The following STOX2 variants were observed in gnomAD, a reference collection of about 807,000 sequenced individuals.
The protein encoded by STOX2 is storkhead box 2, also known as storkhead-box protein 2.
A neutral mutation model predicts 60.9 loss-of-function variants in STOX2; 28 were observed. The observed-to-expected ratio is 0.46, with a 90% CI of 0.34 to 0.63. The LOEUF (loss-of-function observed/expected upper bound fraction) is 0.63, where lower values mean the gene tolerates loss of function less well. Among genes scored for constraint, STOX2 ranks in the 30% least tolerant of loss-of-function variants. STOX2 has a pLI of 0.01. For missense variants in STOX2, 1,024 were observed against 1,187.7 expected, an observed-to-expected ratio of 0.86 and a Z score of 2.03; for synonymous variants, 472 against 463.9, an observed-to-expected ratio of 1.02 and a Z score of -0.22.
Position 184,022,121 on chromosome 4 carries a change from T to A in STOX2, c.*4837T>A, listed in dbSNP as rs3749531. The A allele has an allele frequency of 8.1e-4, 123 of 152,122 alleles. 1 individual carries two copies. Among genetic ancestry groups the A allele is most frequent in the African/African-American group, 2.7e-3 (111 of 41,462 alleles). 9.4% of individuals were successfully genotyped at this position (152,122 alleles called of 1,614,324 possible). ...GGCAGGACAAAGATTACTATTGGTC[T>A]GAGCTTTGCCAAGTGAGATAGAATC... On this transcript the variant is annotated 3_prime_UTR_variant, in exon 4 of 4. Coordinates refer to ENST00000308497, the MANE Select transcript of STOX2 (RefSeq NM_020225.3).
chr4:183,920,317 A>G (rs1253032566), intron 1 of STOX2, among the ~76,000 whole-genome samples: 1 of 152,066 alleles, frequency 6.6e-6, no homozygotes, highest in Non-Finnish European at 1.5e-5. Context: ...CATATTGGCC[A>G]GGCTGATCTT....
At chr4:183,948,218 C>CAAAAAAAA (rs760286920) in intron 1 of STOX2, among the ~76,000 whole-genome samples, 19 of 29,868 alleles carry the variant, frequency 6.4e-4, no homozygotes, top group African/African-American at 9.2e-4. Flanking sequence ...AACTCCATCT[C>CAAAAAAAA]AAAAAAAAAA....
chr4:183,856,791 T>TA lies in STOX2; in HGVS notation c.364+58737dup, dbSNP rs1307574049. Among the ~76,000 whole-genome samples, 3 of 152,234 alleles carry TA rather than the reference T, an allele frequency of 2.0e-5. No homozygotes were observed. The highest frequency in any genetic ancestry group is 4.4e-5 in the Non-Finnish European group (3 of 68,048). Reference sequence around the variant, plus strand: ...TTTTCAGTAGTGTCTGTTTAATAGTTACTGCATATATATTAATGTGTGTAG... The same window carrying TA: ...TTTTCAGTAGTGTCTGTTTAATAGTTAACTGCATATATATTAATGTGTGTAG... On this transcript the variant is annotated intron_variant, in intron 1 of 2. Transcript: ENST00000513034. The surrounding 1 kb of genome is among the most constrained non-coding windows in gnomAD (Gnocchi z 4.0).
intron 1 of STOX2, among the ~76,000 whole-genome samples, chr4:183,896,234 A>C: frequency 6.6e-6 from 1 of 152,218 alleles, no homozygotes; most frequent in East Asian, 1.9e-4. Context: ...AACAGCTGAT[A>C]CCAGGACCAG....
chr4:183,861,253 C>A (rs189604116), intron 1 of STOX2, among the ~76,000 whole-genome samples: 1 of 152,104 alleles, frequency 6.6e-6, no homozygotes, highest in African/African-American at 2.4e-5. Context: ...GGAGCTGCCC[C>A]CCACCACTGA....
intron 1 of STOX2, among the ~76,000 whole-genome samples, chr4:183,964,550 C>G (rs1245655775): frequency 1.3e-5 from 2 of 152,168 alleles, no homozygotes; most frequent in Non-Finnish European, 2.9e-5. Context: ...CAGACCAGAG[C>G]TAAGTATAAA....
intron 1 of STOX2, among the ~76,000 whole-genome samples, chr4:183,992,170 T>G (rs1372391314): frequency 1.3e-5 from 2 of 152,206 alleles, no homozygotes; most frequent in East Asian, 1.9e-4. Context: ...GGGGGGTTGG[T>G]TGGTAGCAGT....
chr4:183,827,267 G>A (rs1407915684), intron 1 of STOX2, among the ~76,000 whole-genome samples: 1 of 152,212 alleles, frequency 6.6e-6, no homozygotes, highest in Non-Finnish European at 1.5e-5. Flanking sequence ...GGAGGCCAAG[G>A]AGGGAGCATC....
chr4:183,851,280 G>GGAAAGGATGAGA (rs1740126390), intron 1 of STOX2, among the ~76,000 whole-genome samples: 1 of 62,166 alleles, frequency 1.6e-5, no homozygotes, highest in Non-Finnish European at 3.5e-5. Flanking sequence ...AAACGATGAG[G>GGAAAGGATGAGA]GAAAGGATGA....
chr4:183,836,148 G>A lies in STOX2; in HGVS notation c.364+38093G>A, dbSNP rs1363654686. On this transcript the variant is annotated intron_variant, in intron 1 of 2. Coordinates refer to the STOX2 transcript ENST00000513034. The surrounding 1 kb of genome is among the most constrained non-coding windows in gnomAD (Gnocchi z 4.1). The stretch of plus-strand genomic sequence containing the variant: ...TGAACGTCTTTTCATGTGCTTTTTG[G>A]CTGTTTATCATAGCCTTTGGAGAAA... 6.6e-6 allele frequency among the ~76,000 whole-genome samples: 1 copy of A among 152,078 alleles called. No homozygotes were observed. The highest frequency in any genetic ancestry group is 2.4e-5 in the African/African-American group (1 of 41,416).
Position 183,828,247 on chromosome 4 carries a change from G to A in STOX2, c.364+30192G>A, listed in dbSNP as rs188650925. ...CTGGCTGTGATGACAGGGTGGACTC[G>A]GAAACTGGCAGAGGGTGTTGGCGCA... On this transcript the variant is annotated intron_variant, in intron 1 of 2. Transcript: ENST00000513034. 9.2e-5 allele frequency among the ~76,000 whole-genome samples: 14 copies of A among 152,274 alleles called. 1 individual carries two copies. Among genetic ancestry groups the A allele is most frequent in the Admixed American group, 2.6e-4 (4 of 15,288 alleles).
At chr4:183,861,802 A>G (rs1740454082) in intron 1 of STOX2, among the ~76,000 whole-genome samples, 1 of 152,164 alleles carries the variant, frequency 6.6e-6, no homozygotes, top group Non-Finnish European at 1.5e-5. Flanking sequence ...TCTAAACGCT[A>G]ATATACCAAC....
intron 1 of STOX2, among the ~76,000 whole-genome samples, chr4:183,896,993 G>A (rs1260082223): frequency 1.3e-5 from 2 of 152,192 alleles, no homozygotes; most frequent in African/African-American, 4.8e-5. Context: ...CAAAGACATT[G>A]TGGTGAGTCT....
rs549288529 is a variant in STOX2, at chr4:183,952,749, C to A, written c.166+45793C>A. On this transcript the variant is annotated intron_variant, in intron 1 of 3. Coordinates refer to ENST00000308497, the MANE Select transcript of STOX2 (RefSeq NM_020225.3). The stretch of plus-strand genomic sequence containing the variant: ...AAATGCTGAATTAAACAAAGTTGCA[C>A]CATTTTCTTTACTGTAGGACTCCTT... Among the ~76,000 whole-genome samples the A allele has an allele frequency of 2.2e-4, 34 of 152,266 alleles. 1 individual carries two copies. The South Asian group carries it at 6.6e-3, about 30-fold the overall frequency.
At chr4:183,874,217 G>A (rs140544384) in intron 1 of STOX2, among the ~76,000 whole-genome samples, 2 of 152,326 alleles carry the variant, frequency 1.3e-5, no homozygotes, top group African/African-American at 2.4e-5. Flanking sequence ...TTTTGGAGCT[G>A]TAGCCCCATT....
At chr4:183,932,788 A>T (rs1742476330) in intron 1 of STOX2, among the ~76,000 whole-genome samples, 1 of 152,214 alleles carries the variant, frequency 6.6e-6, no homozygotes, top group African/African-American at 2.4e-5. Flanking sequence ...ACTTCCTACA[A>T]CAACGTTGTC....
rs1413200902 is a variant in STOX2, at chr4:183,906,886, G to A, written c.96G>A (p.Lys32=). ...ACCGCATGAGGTCCCGCAGCGAGAA[G>A]GACTACCGCCTGCACAAGCGTTTCC... ...ASDRMRSRSE[K]DYRLHKRFPA... is the part of the protein sequence containing the mutation. Residue 32 remains lysine (K), a synonymous_variant, in exon 1 of 4, where the codon AAG becomes AAA. Transcript: ENST00000308497. 8 of 1,551,064 alleles carry A rather than the reference G, an allele frequency of 5.2e-6. No individual in the cohort carries two copies. In the South Asian group the frequency reaches 9.5e-5, roughly 18 times the overall value.
intron 1 of STOX2, chr4:183,960,255 G>C (rs1030840224): frequency 6.6e-6 from 1 of 152,228 alleles, no homozygotes; most frequent in African/African-American, 2.4e-5. Context: ...GTAAGACCTA[G>C]AGTGAATGCT....
chr4:183,798,915 A>AACAGC, intron 1 of STOX2: 1 of 646,388 alleles, frequency 1.5e-6, no homozygotes, highest in Non-Finnish European at 1.9e-6. Context: ...TTTTTGTACT[A>AACAGC]TTACATAGTA....
Sources: allele counts gnomAD v4.1 joint callset (sites outside exome capture counted in the v4.1 genomes callset), GRCh38; gene constraint gnomAD v4.1.1; non-coding constraint Gnocchi (gnomAD v3.1); transcripts MANE v1.5; gene names NCBI Gene and HGNC (gene_info 2026-07-23, HGNC 2026-07-21).